Variants in NEO1 observed in about 807,000 individuals in gnomAD.
NEO1 encodes the protein neogenin 1.
A neutral mutation model predicts 159.7 loss-of-function variants in NEO1; 63 were observed. That is an observed-to-expected ratio of 0.39 (90% CI 0.32 to 0.49). NEO1 has a LOEUF of 0.49. Among genes scored for constraint, NEO1 ranks in the 20% least tolerant of loss-of-function variants. The pLI, the probability that NEO1 is intolerant of heterozygous loss-of-function variation, is 0.85. For missense variants in NEO1, 1,615 were observed against 1,831.0 expected, an observed-to-expected ratio of 0.88 and a Z score of 2.15; for synonymous variants, 633 against 662.0, an observed-to-expected ratio of 0.96 and a Z score of 0.67.
chr15:73,130,762 A>G (rs994776397), intron 4 of NEO1, among the ~76,000 whole-genome samples: 1 of 152,200 alleles, frequency 6.6e-6, no homozygotes, highest in Non-Finnish European at 1.5e-5. Flanking sequence ...ATAAGAGGCA[A>G]CCCTTCCCTT....
chr15:73,301,689 A>G (rs1036245272), intron 28 of NEO1: 29 of 532,952 alleles, frequency 5.4e-5, no homozygotes, highest in Middle Eastern at 5.2e-4. Flanking sequence ...TTTTTTTGAG[A>G]CAGAATCTTG....
At chr15:73,178,577 C>A (rs1458062856) in intron 7 of NEO1, 150 bp downstream of exon 7, 3 of 851,078 alleles carry the variant, frequency 3.5e-6, no homozygotes, top group Non-Finnish European at 4.9e-6. Context: ...TAAATCATTT[C>A]TATTACATAA....
intron 27 of NEO1, chr15:73,299,956 G>A (rs2042549554): frequency 6.6e-6 from 1 of 152,176 alleles, no homozygotes; most frequent in South Asian, 2.1e-4. Flanking sequence ...GCAAGTTGTA[G>A]TTTTTTAAAG....
intron 5 of NEO1, among the ~76,000 whole-genome samples, chr15:73,140,306 A>G (rs932199566): frequency 9.9e-5 from 15 of 152,202 alleles, no homozygotes; most frequent in Admixed American, 9.2e-4. Context: ...CTGTAATCCC[A>G]GCACTTTGAG....
In NEO1 at chr15:73,244,971, A is replaced by AC. The variant is rs1567586628; in HGVS notation, c.1606+473_1606+474insC. On this transcript the variant is annotated intron_variant, in intron 9 of 28. Transcript: ENST00000261908. ...CTCTGTCTCAAAAAAAAAAAAAAAA[A>AC]AAAAAAAAAAAACAACAGCAAATAG... Among the ~76,000 whole-genome samples, 30 of 147,344 alleles carry AC rather than the reference A, an allele frequency of 2.0e-4. 4 individuals are homozygous for AC. Among genetic ancestry groups the AC allele is most frequent in the Middle Eastern group, 3.5e-3 (1 of 284 alleles).
chr15:73,163,154 A>C (rs903334507), intron 5 of NEO1, among the ~76,000 whole-genome samples: 1 of 151,592 alleles, frequency 6.6e-6, no homozygotes, highest in Non-Finnish European at 1.5e-5. Context: ...TTAGATTTAC[A>C]TTTTCTGATT....
At chr15:73,058,262 T>G (rs896806808) in intron 1 of NEO1, among the ~76,000 whole-genome samples, 2 of 152,178 alleles carry the variant, frequency 1.3e-5, no homozygotes, top group African/African-American at 4.8e-5. Context: ...TCACATGTAT[T>G]TAATCTTTTA....
chr15:73,229,971 G>A (rs1174477252), intron 7 of NEO1, among the ~76,000 whole-genome samples: 2 of 152,102 alleles, frequency 1.3e-5, no homozygotes, highest in Admixed American at 6.5e-5. Context: ...ATGATCATAA[G>A]GGATACTGGT....
At chr15:73,292,314 C>T (rs1431356709) in intron 25 of NEO1, among the ~76,000 whole-genome samples, 1 of 152,144 alleles carries the variant, frequency 6.6e-6, no homozygotes, top group Non-Finnish European at 1.5e-5. Context: ...TTCAATAGGC[C>T]ACTAAGTGTT....
intron 7 of NEO1, among the ~76,000 whole-genome samples, chr15:73,187,412 C>T (rs534277461): frequency 1.3e-5 from 2 of 152,222 alleles, no homozygotes; most frequent in East Asian, 3.9e-4. Context: ...CCACTCCTTC[C>T]CCCTTTTTAT....
chr15:73,218,477 A>G (rs1408674833), intron 7 of NEO1, among the ~76,000 whole-genome samples: 1 of 151,902 alleles, frequency 6.6e-6, no homozygotes, highest in African/African-American at 2.4e-5. Context: ...TTTTGTATTG[A>G]TTGGAATAGT....
chr15:73,295,125 AAT>A lies in NEO1; in HGVS notation c.3901+1594_3901+1595del, dbSNP rs10524460. Among the ~76,000 whole-genome samples, 27 of 100,150 alleles carry A rather than the reference AAT, an allele frequency of 2.7e-4. No individual in the cohort carries two copies. In the South Asian group the frequency reaches 3.6e-3, roughly 13 times the overall value. 65.7% of individuals were successfully genotyped at this position (100,150 alleles called of 152,430 possible). On this transcript the variant is annotated intron_variant, in intron 26 of 28. Transcript: ENST00000261908. ...AAGATCCCGTCTCTACTAAATATTA[AAT>A]ATATATATATATATATGTAAAAATT...
At chr15:73,125,835 C>T (rs1265961143) in intron 3 of NEO1, among the ~76,000 whole-genome samples, 1 of 148,730 alleles carries the variant, frequency 6.7e-6, no homozygotes, top group Non-Finnish European at 1.5e-5. Context: ...AGAGACGAAA[C>T]TCAGAAAGCT....
chr15:73,092,799 C>T (rs1465790198), intron 1 of NEO1, among the ~76,000 whole-genome samples: 1 of 152,114 alleles, frequency 6.6e-6, no homozygotes, highest in South Asian at 2.1e-4. Flanking sequence ...CCCATATACT[C>T]CACACCCAGT....
At chr15:73,174,673 A>G (rs1172258785) in intron 5 of NEO1, among the ~76,000 whole-genome samples, 2 of 152,208 alleles carry the variant, frequency 1.3e-5, no homozygotes, top group Admixed American at 6.5e-5. Context: ...TACTGCAAAG[A>G]AGGACAGATT....
At chr15:73,231,336 G>T (rs149926742) in intron 7 of NEO1, among the ~76,000 whole-genome samples, 1 of 152,164 alleles carries the variant, frequency 6.6e-6, no homozygotes, top group East Asian at 1.9e-4. Flanking sequence ...CATTTTAAAA[G>T]ACCAAAATAA....
intron 5 of NEO1, among the ~76,000 whole-genome samples, chr15:73,165,470 C>T (rs1441692118): frequency 6.6e-6 from 1 of 152,136 alleles, no homozygotes; most frequent in Admixed American, 6.5e-5. Flanking sequence ...TAGGGAGAAT[C>T]AGAGAGCAGG....
chr15:73,124,975 A>T (rs984736151), intron 3 of NEO1, among the ~76,000 whole-genome samples: 1 of 152,198 alleles, frequency 6.6e-6, no homozygotes, highest in African/African-American at 2.4e-5. Context: ...CCATATACCA[A>T]TATTATTCAG....
At chr15:73,260,165 T>G (rs2040557348) in intron 14 of NEO1, 106 bp from the exon 15 acceptor site, 1 of 976,100 alleles carries the variant, frequency 1.0e-6, no homozygotes. Flanking sequence ...TGTAAAAAAC[T>G]TAGCCCCAAA....
Sources: gnomAD v4.1 joint callset for allele counts (sites outside exome capture counted in the v4.1 genomes callset) on GRCh38, gnomAD v4.1.1 for gene constraint, MANE v1.5 for transcripts, NCBI Gene and HGNC (gene_info 2026-07-23, HGNC 2026-07-21) for gene names.